Variants in ACAD10 observed in about 807,000 individuals in gnomAD.
ACAD10 encodes the protein ACAD-10.
A neutral mutation model predicts 116.8 loss-of-function variants in ACAD10; 112 were observed. The ratio of observed to expected loss-of-function variants is 0.96; its 90% CI spans 0.82 to 1.12. ACAD10 has a LOEUF of 1.12. ACAD10 is among the 50% of genes most tolerant of loss of function. ACAD10 has a pLI of 0.00. For synonymous variants in ACAD10, 486 were observed against 510.6 expected (o/e 0.95, Z 0.65); for missense variants, 1,259 against 1,350.2 (o/e 0.93, Z 1.06).
In ACAD10 at chr12:111,692,860, G is replaced by A. The variant is rs751183655; in HGVS notation, c.151G>A (p.Gly51Arg). 4 of 1,614,162 alleles carry A rather than the reference G, an allele frequency of 2.5e-6. No individual in the cohort carries two copies. Among genetic ancestry groups the A allele is most frequent in the South Asian group, 1.1e-5 (1 of 91,084 alleles). ...TYRAVIFDMG[G>R]VLIPSPGRVA... The stretch of plus-strand genomic sequence containing the variant: ...CAGAGCGGTGATTTTCGACATGGGC[G>A]GAGTTCTCATTCCTTCTCCAGGGAG... Residue 51 changes from glycine to arginine, a missense_variant, in exon 2 of 21, where the codon GGA (glycine) becomes AGA (arginine). Gly to Arg is a moderately radical substitution (Grantham distance 125). Coordinates refer to ENST00000313698, the MANE Select transcript of ACAD10 (RefSeq NM_025247.6).
chr12:111,703,021 C>T (rs548022983), intron 3 of ACAD10, among the ~76,000 whole-genome samples: 1 of 150,308 alleles, frequency 6.7e-6, no homozygotes, highest in Non-Finnish European at 1.5e-5. Flanking sequence ...GGGATTGAAA[C>T]TTCAGTGAAC....
chr12:111,749,255 C>T lies in ACAD10; in HGVS notation c.2727C>T (p.Ile909=), dbSNP rs373566423. The T allele has an allele frequency of 1.4e-5, 22 of 1,614,012 alleles. No homozygotes were observed. In the African/African-American group the frequency reaches 1.7e-4, roughly 13 times the overall value. The stretch of plus-strand genomic sequence containing the variant: ...TGGGCCCTGGCCGAGGCTTTGAGAT[C>T]GCCCAGGGCAGACTGGGCCCCGGCA... ...MVLGPGRGFE[I]AQGRLGPGRI... The change falls in exon 18 of 21, where the codon ATC becomes ATT. Residue 909 remains isoleucine (I), a synonymous_variant. Coordinates refer to ENST00000313698, the MANE Select transcript of ACAD10 (RefSeq NM_025247.6).
chr12:111,713,020 G>T (rs564305985), intron 6 of ACAD10, among the ~76,000 whole-genome samples: 1 of 152,064 alleles, frequency 6.6e-6, no homozygotes, highest in Non-Finnish European at 1.5e-5. Flanking sequence ...CGACTTAGAA[G>T]TTACATCGGC....
intron 1 of ACAD10, among the ~76,000 whole-genome samples, chr12:111,688,677 C>T (rs1394420721): frequency 2.0e-5 from 3 of 151,834 alleles, no homozygotes; most frequent in African/African-American, 4.8e-5. Flanking sequence ...TGGTGGCGAG[C>T]GCCTGTAGTC....
chr12:111,700,792 C>G (rs1313103791), intron 2 of ACAD10, among the ~76,000 whole-genome samples: 4 of 113,344 alleles, frequency 3.5e-5, no homozygotes, highest in African/African-American at 1.1e-4. Flanking sequence ...GGGTCTTGCT[C>G]TATGTCCCTA....
At chr12:111,699,162 GC>G (rs1429231382) in intron 2 of ACAD10, among the ~76,000 whole-genome samples, 23 of 152,284 alleles carry the variant, frequency 1.5e-4, no homozygotes, top group African/African-American at 5.1e-4. Context: ...TGGGATTTTA[GC>G]CATGAGTCAC....
At chr12:111,693,880 C>T (rs1437276065) in intron 2 of ACAD10, among the ~76,000 whole-genome samples, 1 of 152,152 alleles carries the variant, frequency 6.6e-6, no homozygotes, top group African/African-American at 2.4e-5. Flanking sequence ...GGTATGTGGT[C>T]TGGGGCACTG....
chr12:111,692,301 G>T (rs1278366773), intron 1 of ACAD10, among the ~76,000 whole-genome samples: 2 of 152,180 alleles, frequency 1.3e-5, no homozygotes, highest in Non-Finnish European at 2.9e-5. Context: ...ACTCTGACTG[G>T]AGGGTGAAGA....
chr12:111,737,840 T>TGG (rs1258628764), intron 12 of ACAD10, among the ~76,000 whole-genome samples: 2 of 149,140 alleles, frequency 1.3e-5, no homozygotes, highest in African/African-American at 5.1e-5. Context: ...GCAAATTTCT[T>TGG]GGTGTGTGTG....
chr12:111,721,620 A>T, intron 7 of ACAD10, 51 bp from the exon 8 acceptor site: 1 of 1,456,008 alleles, frequency 6.9e-7, no homozygotes, highest in Non-Finnish European at 9.4e-7. Flanking sequence ...ACTTCAAGAA[A>T]ATCTCATCAA....
chr12:111,699,329 T>C (rs1566142315), intron 2 of ACAD10, among the ~76,000 whole-genome samples: 2 of 152,222 alleles, frequency 1.3e-5, no homozygotes, highest in Non-Finnish European at 2.9e-5. Context: ...ACCCCATTTA[T>C]TGAATAGTCA....
At chr12:111,734,561 T>A (rs1000977695) in intron 11 of ACAD10, among the ~76,000 whole-genome samples, 2 of 151,892 alleles carry the variant, frequency 1.3e-5, no homozygotes, top group Admixed American at 1.3e-4. Context: ...GAGGCAGAGG[T>A]TGCAGTCAGC....
intron 2 of ACAD10, among the ~76,000 whole-genome samples, chr12:111,695,742 G>A (rs972877653): frequency 7.9e-5 from 12 of 152,054 alleles, no homozygotes; most frequent in Admixed American, 3.9e-4. Flanking sequence ...GGCCAGGTGC[G>A]GTGGCTCATG....
At chr12:111,735,574 G>A (rs1889525548) in intron 11 of ACAD10, among the ~76,000 whole-genome samples, 1 of 151,554 alleles carries the variant, frequency 6.6e-6, no homozygotes, top group Non-Finnish European at 1.5e-5. Flanking sequence ...TCCTGCCTCA[G>A]CCTCCTAAGT....
chr12:111,749,689 G>C (rs955885295), intron 18 of ACAD10: 8 of 215,204 alleles, frequency 3.7e-5, no homozygotes, highest in Non-Finnish European at 7.3e-5. Context: ...TACTTTGGGA[G>C]GTCTAGGTAG....
chr12:111,710,442 G>GAGCAAA (rs773902648), intron 5 of ACAD10: 35 of 299,704 alleles, frequency 1.2e-4, no homozygotes, highest in Non-Finnish European at 2.2e-4. Context: ...TGTAGGGTAA[G>GAGCAAA]AGCAAACGTT....
At chr12:111,717,346 CAAAA>C (rs779938001) in intron 7 of ACAD10, among the ~76,000 whole-genome samples, 1 of 76,864 alleles carries the variant, frequency 1.3e-5, no homozygotes, top group Non-Finnish European at 2.8e-5. Context: ...GACCCTGTCT[CAAAA>C]AAAAAAAAAA....
At chr12:111,712,820 C>T (rs948918012) in intron 6 of ACAD10, among the ~76,000 whole-genome samples, 163 bp downstream of exon 6, 7 of 152,140 alleles carry the variant, frequency 4.6e-5, no homozygotes, top group African/African-American at 1.7e-4. Context: ...TTCAGTTTTG[C>T]TTGGGAAAAA....
At chr12:111,710,163 C>A in intron 5 of ACAD10, 1 of 362,326 alleles carries the variant, frequency 2.8e-6, no homozygotes, top group East Asian at 1.0e-4. Flanking sequence ...AATCATAGCT[C>A]ACTGTAGCCT....
Sources: allele counts gnomAD v4.1 joint callset (sites outside exome capture counted in the v4.1 genomes callset), GRCh38; gene constraint gnomAD v4.1.1; transcripts MANE v1.5; gene names NCBI Gene and HGNC (gene_info 2026-07-23, HGNC 2026-07-21).